Variants in TCF3 observed in about 807,000 individuals in gnomAD.
TCF3 encodes transcription factor 3.
Under a neutral mutation model 72.3 loss-of-function variants are expected in TCF3, and 54 were observed. That is an observed-to-expected ratio of 0.75 (90% confidence interval 0.60 to 0.94). The LOEUF (loss-of-function observed/expected upper bound fraction) is 0.94. Ranked by LOEUF, TCF3 falls within the 40% of genes least tolerant of loss-of-function variation. The pLI is 0.00. For synonymous variants in TCF3, 525 were observed against 412.6 expected, an observed-to-expected ratio of 1.27 and a Z score of -3.30; for missense variants, 1,078 against 934.4, an observed-to-expected ratio of 1.15 and a Z score of -2.00.
At chr19:1,619,933 G>T in intron 13 of TCF3, 80 bp from the exon 14 acceptor site, 1 of 1,232,182 alleles carries the variant, frequency 8.1e-7, no homozygotes, top group South Asian at 1.4e-5. Flanking sequence ...AGGGATTCAT[G>T]AACCACCCCG....
At chr19:1,651,931 C>T (rs528234096) in intron 1 of TCF3, among the ~76,000 whole-genome samples, 37 of 150,960 alleles carry the variant, frequency 2.5e-4, no homozygotes, top group Admixed American at 2.3e-3. Flanking sequence ...CCCCTCTACC[C>T]GAGAAAGGGG....
At position 1,619,120 on chromosome 19, in the gene TCF3, A is replaced by G. The variant is rs1230975904; in HGVS notation, c.1441T>C (p.Ser481Pro). Residue 481 changes from serine (S) to proline (P), a missense_variant, in exon 16 of 19, where the codon TCC (serine) becomes CCC (proline). Physicochemically the swap from Ser to Pro is moderately conservative, Grantham distance 74. Coordinates refer to ENST00000262965, the MANE Select transcript of TCF3 (RefSeq NM_003200.5). The stretch of plus-strand genomic sequence containing the variant: ...AAGCTCAAGGGCTTACCACTGTAGG[A>G]GTCGGGAGGCCGAGACAGGTCAGGG... ...TLPDLSRPPDSYSGLGRAGAT... is the reference protein window; with the variant it reads ...TLPDLSRPPDPYSGLGRAGAT... 2 of 1,599,374 alleles carry G rather than the reference A, an allele frequency of 1.3e-6. No individual in the cohort carries two copies. Among genetic ancestry groups the G allele is most frequent in the Non-Finnish European group, 1.7e-6 (2 of 1,179,718 alleles).
At chr19:1,635,922 A>G (rs1012825247) in intron 3 of TCF3, among the ~76,000 whole-genome samples, 11 of 152,174 alleles carry the variant, frequency 7.2e-5, no homozygotes, top group African/African-American at 2.2e-4. Context: ...GCCACCCGAT[A>G]CAGGGTCACT....
chr19:1,635,098 G>C (rs986979103), intron 3 of TCF3, among the ~76,000 whole-genome samples: 1 of 152,208 alleles, frequency 6.6e-6, no homozygotes. Context: ...CACGGGCCCT[G>C]AACACAGCCC....
rs376118666 is a variant in TCF3, at chr19:1,632,310, C to T, written c.219+22G>A. ...TCTGGGGACAGGAAACTCAGGGTCT[C>T]AGGCCTCACGGGGACTCCTACCCGG... On this transcript the variant is annotated intron_variant, in intron 4 of 18. Coordinates refer to ENST00000262965, the MANE Select transcript of TCF3 (RefSeq NM_003200.5). 53 of 1,570,934 alleles carry T rather than the reference C, an allele frequency of 3.4e-5. No homozygotes were observed. The African/African-American group carries it at 6.8e-4, about 20-fold the overall frequency.
At chr19:1,612,331 G>A (rs372484564) in intron 18 of TCF3, 40 of 1,613,832 alleles carry the variant, frequency 2.5e-5, no homozygotes, top group Non-Finnish European at 3.1e-5. Flanking sequence ...GGAAGGCCTC[G>A]TTAATATCCC....
chr19:1,627,514 C>T, intron 5 of TCF3, 88 bp from the exon 6 acceptor site: 2 of 1,232,522 alleles, frequency 1.6e-6, no homozygotes. Context: ...CTACAATAGG[C>T]TCTCAGTAAG....
chr19:1,622,493 G>T, intron 8 of TCF3, 78 bp from the exon 9 acceptor site: 1 of 760,658 alleles, frequency 1.3e-6, no homozygotes, highest in Non-Finnish European at 2.0e-6. Flanking sequence ...CCGGCCTCCT[G>T]TCCCCTCCTG....
Position 1,621,002 on chromosome 19 carries a change from A to C in TCF3, c.1059T>G (p.Pro353=), listed in dbSNP as rs759068741. 2.6e-5 allele frequency: 40 copies of C among 1,516,462 alleles called. No individual in the cohort carries two copies. In the Admixed American group the frequency reaches 6.8e-4, roughly 26 times the overall value. The allele number at this position is 1,516,462 out of a possible 1,614,324, so 93.9% of individuals were successfully genotyped here. Reference sequence around the variant, plus strand: ...CCTGGGGGGAGCCCACGGGGGTAGAAGGGCTGGACGAGAAGTTATTGCTTG... The same window carrying C: ...CCTGGGGGGAGCCCACGGGGGTAGACGGGCTGGACGAGAAGTTATTGCTTG... The part of the protein sequence containing the change: ...DHSSNNFSSS[P]STPVGSPQGL... The change falls in exon 13 of 19, where the codon CCT becomes CCG. Residue 353 remains proline (P), a synonymous_variant. Transcript: ENST00000262965.
intron 3 of TCF3, among the ~76,000 whole-genome samples, chr19:1,640,735 C>T (rs2065114875): frequency 6.6e-6 from 1 of 150,962 alleles, no homozygotes; most frequent in Admixed American, 6.6e-5. Context: ...ACCTGGGAGG[C>T]GGAGCTTGCA....
chr19:1,638,004 C>T (rs533046096), intron 3 of TCF3, among the ~76,000 whole-genome samples: 5 of 152,268 alleles, frequency 3.3e-5, no homozygotes, highest in East Asian at 3.9e-4. Flanking sequence ...CCCTAAAAAA[C>T]GAGAAGACTG....
chr19:1,623,023 C>T (rs1349527829), intron 8 of TCF3, among the ~76,000 whole-genome samples: 4 of 152,132 alleles, frequency 2.6e-5, no homozygotes, highest in African/African-American at 4.8e-5. Flanking sequence ...AGAGAAAGTG[C>T]ACCCTGGGGA....
chr19:1,639,537 G>A (rs911224250), intron 3 of TCF3, among the ~76,000 whole-genome samples: 3 of 152,062 alleles, frequency 2.0e-5, no homozygotes, highest in Non-Finnish European at 2.9e-5. Flanking sequence ...CAAAGGCCTC[G>A]CAGCTCCACA....
chr19:1,612,292 G>A (rs773418240), intron 18 of TCF3: 6 of 1,613,806 alleles, frequency 3.7e-6, no homozygotes, highest in Non-Finnish European at 4.2e-6. Context: ...CCGACTTGAG[G>A]TGCATCTGGC....
chr19:1,624,142 A>G (rs1033174170), intron 7 of TCF3, 142 bp from the exon 8 acceptor site: 1 of 744,636 alleles, frequency 1.3e-6, no homozygotes, highest in Non-Finnish European at 2.2e-6. Context: ...TCATGCCTGT[A>G]ATACCAGGAC....
chr19:1,649,983 A>G (rs2066755685), intron 2 of TCF3, among the ~76,000 whole-genome samples, 194 bp downstream of exon 2: 1 of 152,208 alleles, frequency 6.6e-6, no homozygotes, highest in Admixed American at 6.5e-5. Context: ...CAAAAGCCCC[A>G]TAGCACACGT....
At chr19:1,622,850 A>G (rs977291910) in intron 8 of TCF3, among the ~76,000 whole-genome samples, 1 of 152,110 alleles carries the variant, frequency 6.6e-6, no homozygotes, top group African/African-American at 2.4e-5. Flanking sequence ...GTCCTTCACT[A>G]AAGTAACAGG....
intron 3 of TCF3, among the ~76,000 whole-genome samples, chr19:1,639,629 A>C (rs1465007048): frequency 6.6e-6 from 1 of 152,134 alleles, no homozygotes; most frequent in African/African-American, 2.4e-5. Context: ...TGCGTCCTCC[A>C]AACAGTAGCT....
At chr19:1,619,602 C>T in intron 14 of TCF3, 128 bp from the exon 15 acceptor site, 1 of 1,392,708 alleles carries the variant, frequency 7.2e-7, no homozygotes, top group South Asian at 1.4e-5. Flanking sequence ...CTGCATATGC[C>T]AGGCATCTGG....
Sources: gnomAD v4.1 joint callset for allele counts (sites outside exome capture counted in the v4.1 genomes callset) on GRCh38, gnomAD v4.1.1 for gene constraint, MANE v1.5 for transcripts, NCBI Gene and HGNC (gene_info 2026-07-23, HGNC 2026-07-21) for gene names.